NUBPL: variants seen among roughly 807,000 people sequenced by gnomAD.
The protein encoded by NUBPL is iron-sulfur cluster transfer protein NUBPL.
A neutral mutation model predicts 45.7 loss-of-function variants in NUBPL; 31 were observed. The observed-to-expected ratio is 0.68, with a 90% CI of 0.51 to 0.92. The LOEUF is 0.92. Among genes scored for constraint, NUBPL ranks in the 40% least tolerant of loss-of-function variants. NUBPL has a pLI of 0.00. For synonymous variants in NUBPL, 144 were observed against 140.9 expected, an observed-to-expected ratio of 1.02 and a Z score of -0.15; for missense variants, 401 against 398.7, an observed-to-expected ratio of 1.01 and a Z score of -0.05.
intron 6 of NUBPL, among the ~76,000 whole-genome samples, chr14:31,683,682 C>T (rs2036890059): frequency 6.6e-6 from 1 of 152,114 alleles, no homozygotes; most frequent in Non-Finnish European, 1.5e-5. Context: ...TACCTACACA[C>T]TTGCTATTTC....
At chr14:31,756,450 CT>C (rs1346445562) in intron 6 of NUBPL, among the ~76,000 whole-genome samples, 1 of 152,024 alleles carries the variant, frequency 6.6e-6, no homozygotes, top group African/African-American at 2.4e-5. Context: ...GAGTTTTATT[CT>C]GTTTGAAGCA....
chr14:31,758,922 G>A (rs2038735438), intron 6 of NUBPL, among the ~76,000 whole-genome samples: 1 of 152,102 alleles, frequency 6.6e-6, no homozygotes, highest in Non-Finnish European at 1.5e-5. Context: ...AAGAAGACAA[G>A]CTTTTCCTCC....
intron 4 of NUBPL, among the ~76,000 whole-genome samples, chr14:31,658,095 A>G (rs1216457439): frequency 6.6e-6 from 1 of 152,218 alleles, no homozygotes; most frequent in Non-Finnish European, 1.5e-5. Context: ...ATATCAGAAC[A>G]CTGTTAAATC....
In NUBPL at chr14:31,841,924, T is replaced by G. The variant is rs1398349068; in HGVS notation, c.694-4547T>G. On this transcript the variant is annotated intron_variant, in intron 8 of 10. Coordinates refer to ENST00000281081, the MANE Select transcript of NUBPL (RefSeq NM_025152.3). ...GTATGGGTCGATTCTGGGCTTTTTT[T>G]TTTTTTTTTTTTTTTTTTTTTTTTG... 8.0e-4 allele frequency among the ~76,000 whole-genome samples: 91 copies of G among 113,520 alleles called. 7 individuals carry two copies. Among genetic ancestry groups the G allele is most frequent in the Admixed American group, 1.1e-3 (13 of 11,374 alleles). The allele number at this position is 113,520 out of a possible 152,430, so 74.5% of individuals were successfully genotyped here.
At chr14:31,735,139 A>C (rs2038137910) in intron 6 of NUBPL, among the ~76,000 whole-genome samples, 1 of 152,184 alleles carries the variant, frequency 6.6e-6, no homozygotes, top group Non-Finnish European at 1.5e-5. Context: ...AGACGTTACC[A>C]AATGTCCTGG....
intron 4 of NUBPL, among the ~76,000 whole-genome samples, chr14:31,632,935 A>C (rs1485996394): frequency 6.6e-6 from 1 of 152,268 alleles, no homozygotes; most frequent in Non-Finnish European, 1.5e-5. Context: ...TCTATATTTT[A>C]CATATTTCTA....
At chr14:31,743,727 T>A (rs1203702280) in intron 6 of NUBPL, among the ~76,000 whole-genome samples, 1 of 152,124 alleles carries the variant, frequency 6.6e-6, no homozygotes, top group Non-Finnish European at 1.5e-5. Flanking sequence ...CTTTCCTGGA[T>A]GAGGAAGGCA....
intron 6 of NUBPL, among the ~76,000 whole-genome samples, chr14:31,750,644 A>G (rs2038506562): frequency 6.6e-6 from 1 of 152,084 alleles, no homozygotes; most frequent in South Asian, 2.1e-4. Context: ...TATCTGCAAA[A>G]CTAGTGGAAC....
At chr14:31,765,677 A>C (rs1420732777) in intron 6 of NUBPL, among the ~76,000 whole-genome samples, 1 of 152,164 alleles carries the variant, frequency 6.6e-6, no homozygotes, top group African/African-American at 2.4e-5. Context: ...AGACAACATA[A>C]ATCTGCCTGA....
At chr14:31,760,741 C>A (rs1354610055) in intron 6 of NUBPL, among the ~76,000 whole-genome samples, 1 of 135,390 alleles carries the variant, frequency 7.4e-6, no homozygotes, top group African/African-American at 2.9e-5. Flanking sequence ...GATTCTATAT[C>A]TTGGTTATTG....
At chr14:31,672,814 A>G (rs904884416) in intron 4 of NUBPL, among the ~76,000 whole-genome samples, 13 of 152,168 alleles carry the variant, frequency 8.5e-5, no homozygotes, top group African/African-American at 3.1e-4. Context: ...ACTATTTATC[A>G]ATGTTGTGTC....
chr14:31,611,016 G>A (rs1166373821), intron 4 of NUBPL, among the ~76,000 whole-genome samples: 1 of 152,164 alleles, frequency 6.6e-6, no homozygotes, highest in Non-Finnish European at 1.5e-5. Flanking sequence ...CTAATATCTG[G>A]AACATGACAA....
rs577330802 is a variant in NUBPL at position 31,588,046 on chromosome 14, C to T, written c.292-11243C>T. Among the ~76,000 whole-genome samples, 3 of 152,264 alleles carry T rather than the reference C, an allele frequency of 2.0e-5. No individual in the cohort carries two copies. In the East Asian group the frequency reaches 5.8e-4, roughly 29 times the overall value. On this transcript the variant is annotated intron_variant, in intron 3 of 10. Coordinates refer to ENST00000281081, the MANE Select transcript of NUBPL (RefSeq NM_025152.3). The stretch of plus-strand genomic sequence containing the variant: ...GAAAGATGCTAACATTGAGTACATA[C>T]TTTCTGCTAGGAAATTAACTTAATT...
chr14:31,800,648 A>G (rs1044602734), intron 7 of NUBPL, among the ~76,000 whole-genome samples: 1 of 152,222 alleles, frequency 6.6e-6, no homozygotes, highest in Non-Finnish European at 1.5e-5. Flanking sequence ...AGGTATGACC[A>G]TGTAAGAAGA....
chr14:31,658,994 A>G (rs563525577), intron 4 of NUBPL, among the ~76,000 whole-genome samples: 55 of 152,330 alleles, frequency 3.6e-4, no homozygotes, highest in Middle Eastern at 3.4e-3. Flanking sequence ...GTCAGATGCT[A>G]AAGGAGATTA....
At chr14:31,772,452 TAGAG>T (rs1427229400) in intron 6 of NUBPL, among the ~76,000 whole-genome samples, 2 of 152,202 alleles carry the variant, frequency 1.3e-5, no homozygotes, top group African/African-American at 4.8e-5. Context: ...TTAGAGAACT[TAGAG>T]AGGTGTTTCT....
At chr14:31,599,152 G>A in intron 3 of NUBPL, 137 bp from the exon 4 acceptor site, 1 of 707,010 alleles carries the variant, frequency 1.4e-6, no homozygotes, top group South Asian at 1.6e-5. Flanking sequence ...TTTAGGTTAT[G>A]ATTTGTAATA....
At chr14:31,819,224 G>A (rs370774525) in intron 7 of NUBPL, among the ~76,000 whole-genome samples, 2 of 152,252 alleles carry the variant, frequency 1.3e-5, no homozygotes, top group Non-Finnish European at 1.5e-5. Context: ...ATTTGGTATT[G>A]TTTTTGTTAA....
intron 6 of NUBPL, among the ~76,000 whole-genome samples, chr14:31,688,592 GAA>G (rs544662104): frequency 1.3e-5 from 1 of 75,694 alleles, no homozygotes. Flanking sequence ...AGAAAAAAAA[GAA>G]AAAAAAAAAA....
Sources: gnomAD v4.1 joint callset for allele counts (sites outside exome capture counted in the v4.1 genomes callset) on GRCh38, gnomAD v4.1.1 for gene constraint, MANE v1.5 for transcripts, NCBI Gene and HGNC (gene_info 2026-07-23, HGNC 2026-07-21) for gene names.